ARHGEF12: variants seen among roughly 807,000 people sequenced by gnomAD.
The protein encoded by ARHGEF12 is Rho guanine nucleotide exchange factor 12.
A neutral mutation model predicts 211.2 loss-of-function variants in ARHGEF12; 66 were observed. The ratio of observed to expected loss-of-function variants is 0.31; its 90% confidence interval spans 0.26 to 0.38. ARHGEF12 has a LOEUF of 0.38. Among genes scored for constraint, ARHGEF12 ranks in the 10% least tolerant of loss-of-function variants. ARHGEF12 has a pLI of 1.00. For synonymous variants in ARHGEF12, 592 were observed against 638.4 expected (o/e 0.93, Z 1.09); for missense variants, 1,429 against 1,869.5 (o/e 0.76, Z 4.34).
chr11:120,488,722 T>G lies in ARHGEF12; in HGVS notation c.*3645T>G. The stretch of plus-strand genomic sequence containing the variant: ...TAATAAGCCTCTTCCTACTAGAACA[T>G]TTTATTTTCCTTGTTCACCATACAA... On this transcript the variant is annotated 3_prime_UTR_variant, in exon 41 of 41. Transcript: ENST00000397843. 4.6e-6 allele frequency: 1 copy of G among 217,992 alleles called. No homozygotes were observed. The highest frequency in any genetic ancestry group is 9.2e-6 in the Non-Finnish European group (1 of 108,164). The allele number at this position is 217,992 out of a possible 1,614,324, so 13.5% of individuals were successfully genotyped here. A position where few individuals can be genotyped will look rare whatever the true frequency, so the allele number is the denominator to read the frequency against.
chr11:120,362,764 T>A (rs966913082), intron 1 of ARHGEF12, among the ~76,000 whole-genome samples: 7 of 152,132 alleles, frequency 4.6e-5, no homozygotes, highest in Admixed American at 3.9e-4. Context: ...TTAGGACAGT[T>A]TATACCAGAA....
chr11:120,481,381 G>A lies in ARHGEF12; in HGVS notation c.4359G>A (p.Gln1453=), dbSNP rs369686811. 96 of 1,614,046 alleles carry A rather than the reference G, an allele frequency of 5.9e-5. No individual in the cohort carries two copies. Among genetic ancestry groups the A allele is most frequent in the Non-Finnish European group, 2.5e-5 (29 of 1,180,046 alleles). The stretch of plus-strand genomic sequence containing the variant: ...TCCCTGCTGTGGAATCCACCCACCA[G>A]CAGCAACATTCTCCTCAGAATACTC... The part of the protein sequence containing the change: ...TGIPAVESTH[Q]QQHSPQNTHS... The change falls in exon 39 of 41, where the codon CAG becomes CAA. Residue 1453 remains glutamine (Q), a synonymous_variant. Transcript: ENST00000397843.
chr11:120,402,914 A>G (rs1263410498), intron 1 of ARHGEF12, among the ~76,000 whole-genome samples: 1 of 152,230 alleles, frequency 6.6e-6, no homozygotes, highest in African/African-American at 2.4e-5. Flanking sequence ...ATATTAAAGG[A>G]CTATTCCAGT....
At chr11:120,436,218 T>C (rs1489110735) in intron 11 of ARHGEF12, among the ~76,000 whole-genome samples, 2 of 152,184 alleles carry the variant, frequency 1.3e-5, no homozygotes, top group Non-Finnish European at 2.9e-5. Flanking sequence ...CCCTCCAATA[T>C]CTTTGATAGC....
chr11:120,424,851 C>T (rs1415424856), intron 7 of ARHGEF12, among the ~76,000 whole-genome samples: 7 of 152,158 alleles, frequency 4.6e-5, no homozygotes, highest in Non-Finnish European at 8.8e-5. Context: ...AGACATATGG[C>T]CTGATGAACT....
intron 6 of ARHGEF12, among the ~76,000 whole-genome samples, chr11:120,422,397 T>C (rs969515478): frequency 2.6e-5 from 4 of 152,186 alleles, no homozygotes; most frequent in Non-Finnish European, 5.9e-5. Context: ...TACCTGAGAA[T>C]AGCCACAGCA....
intron 4 of ARHGEF12, among the ~76,000 whole-genome samples, chr11:120,418,235 G>C (rs10892574): frequency 0.43 from 65,180 of 151,914 alleles, 14,313 homozygotes; most frequent in African/African-American, 0.52. Context: ...CTCCTCTTCC[G>C]TGCTTCTCCC....
At chr11:120,349,065 A>C (rs1237100387) in intron 1 of ARHGEF12, among the ~76,000 whole-genome samples, 1 of 152,164 alleles carries the variant, frequency 6.6e-6, no homozygotes, top group Non-Finnish European at 1.5e-5. Context: ...ATATACTTGT[A>C]CCTTGGTTGT....
Position 120,480,136 on chromosome 11 carries a change from T to C in ARHGEF12, c.3943T>C (p.Phe1315Leu), listed in dbSNP as rs1182301994. ...TCATTCTGGTGAAGGACATATGCCCTTTAGAACTGGAACTGGTGACATTGC... is the reference window on the plus strand; with the variant it reads ...TCATTCTGGTGAAGGACATATGCCCCTTAGAACTGGAACTGGTGACATTGC... ...AYHSGEGHMP[F>L]RTGTGDIATC... The change falls in exon 38 of 41, where the codon TTT becomes CTT. Residue 1315 changes from phenylalanine to leucine, a missense_variant. By Grantham distance (22) the Phe-to-Leu change is conservative (BLOSUM62 0). Coordinates refer to ENST00000397843, the MANE Select transcript of ARHGEF12 (RefSeq NM_015313.3). The C allele has an allele frequency of 1.2e-6, 2 of 1,614,218 alleles. No individual in the cohort carries two copies. The highest frequency in any genetic ancestry group is 1.7e-6 in the Non-Finnish European group (2 of 1,180,046).
chr11:120,345,730 C>T (rs1022835374), intron 1 of ARHGEF12, among the ~76,000 whole-genome samples: 1 of 142,926 alleles, frequency 7.0e-6, no homozygotes, highest in Non-Finnish European at 1.5e-5. Flanking sequence ...AACGAAATGG[C>T]GTATGTCATA....
intron 1 of ARHGEF12, among the ~76,000 whole-genome samples, chr11:120,342,086 T>G (rs1044878704): frequency 6.6e-6 from 1 of 152,178 alleles, no homozygotes; most frequent in East Asian, 1.9e-4. Context: ...AGACCCAAGA[T>G]TTTAACCTAG....
intron 17 of ARHGEF12, 102 bp from the exon 18 acceptor site, chr11:120,446,846 C>G: frequency 7.1e-7 from 1 of 1,411,298 alleles, no homozygotes; most frequent in Non-Finnish European, 9.5e-7. Context: ...TGACATTTTT[C>G]CTGTTCCTAG....
chr11:120,367,353 C>CTTTTTTTTTTTTTTTTTTTTTTTTT lies in ARHGEF12; in HGVS notation c.32+30084_32+30108dup, dbSNP rs1025919456. Among the ~76,000 whole-genome samples the CTTTTTTTTTTTTTTTTTTTTTTTTT allele has an allele frequency of 3.4e-4, 20 of 59,352 alleles. 4 individuals carry two copies. The highest frequency in any genetic ancestry group is 1.8e-3 in the South Asian group (2 of 1,096). 38.9% of individuals were successfully genotyped at this position (59,352 alleles called of 152,430 possible). Reference sequence around the variant, plus strand: ...AAAAAATCTGTTAGGATACTTTTTCCTTTTTTTTTTTTTTTTTTTTTTTTT... The same window carrying CTTTTTTTTTTTTTTTTTTTTTTTTT: ...AAAAAATCTGTTAGGATACTTTTTCCTTTTTTTTTTTTTTTTTTTTTTTTTTTTTTTTTTTTTTTTTTTTTTTTTT... On this transcript the variant is annotated intron_variant, in intron 1 of 40. Coordinates refer to ENST00000397843, the MANE Select transcript of ARHGEF12 (RefSeq NM_015313.3).
At chr11:120,467,884 G>A (rs1946754862) in intron 29 of ARHGEF12, among the ~76,000 whole-genome samples, 1 of 152,106 alleles carries the variant, frequency 6.6e-6, no homozygotes, top group Non-Finnish European at 1.5e-5. Context: ...TTTTATTGGA[G>A]CACAGCCGTG....
chr11:120,456,221 C>T (rs1013354679), intron 22 of ARHGEF12, among the ~76,000 whole-genome samples: 11 of 151,988 alleles, frequency 7.2e-5, no homozygotes, highest in African/African-American at 2.7e-4. Flanking sequence ...TTTAATGATG[C>T]AAGTAAAAAT....
intron 31 of ARHGEF12, among the ~76,000 whole-genome samples, chr11:120,473,469 C>G (rs1946935569): frequency 6.6e-6 from 1 of 152,164 alleles, no homozygotes; most frequent in African/African-American, 2.4e-5. Context: ...GTGGTGCAGT[C>G]TTGGCTCACT....
At chr11:120,353,844 G>A (rs1357861904) in intron 1 of ARHGEF12, among the ~76,000 whole-genome samples, 1 of 152,136 alleles carries the variant, frequency 6.6e-6, no homozygotes, top group Non-Finnish European at 1.5e-5. Flanking sequence ...CTGCAACACA[G>A]TTACCTGTTT....
chr11:120,403,294 G>A (rs1944594779), intron 1 of ARHGEF12, among the ~76,000 whole-genome samples: 1 of 152,106 alleles, frequency 6.6e-6, no homozygotes, highest in Non-Finnish European at 1.5e-5. Flanking sequence ...ATCACTTGAG[G>A]TCGGGAGTTC....
intron 1 of ARHGEF12, among the ~76,000 whole-genome samples, chr11:120,364,556 A>G (rs766201173): frequency 3.3e-5 from 5 of 152,188 alleles, no homozygotes; most frequent in Non-Finnish European, 7.3e-5. Context: ...AAGAGGAACC[A>G]ATGTAAGTCT....
Sources: allele counts gnomAD v4.1 joint callset (sites outside exome capture counted in the v4.1 genomes callset), GRCh38; gene constraint gnomAD v4.1.1; transcripts MANE v1.5; gene names NCBI Gene and HGNC (gene_info 2026-07-23, HGNC 2026-07-21).